PEX14: variants seen among roughly 807,000 people sequenced by gnomAD.
The protein encoded by PEX14 is peroxisomal biogenesis factor 14.
In PEX14, 15 loss-of-function variants were observed where a neutral mutation model predicts 49.5. The observed-to-expected ratio is 0.30, with a 90% CI of 0.20 to 0.47. The LOEUF is 0.47. Among genes scored for constraint, PEX14 ranks in the 20% least tolerant of loss-of-function variants. The pLI, the probability that PEX14 is intolerant of heterozygous loss-of-function variation, is 1.00. For synonymous variants in PEX14, 210 were observed against 212.7 expected (o/e 0.99, Z 0.11); for missense variants, 398 against 494.8 (o/e 0.80, Z 1.86).
intron 3 of PEX14, among the ~76,000 whole-genome samples, chr1:10,578,042 G>C (rs537300388): frequency 1.3e-5 from 2 of 152,122 alleles, no homozygotes; most frequent in African/African-American, 4.8e-5. Flanking sequence ...GCAGAAAGCT[G>C]TGTCATATTG....
chr1:10,556,664 C>T (rs1226398757), intron 3 of PEX14, among the ~76,000 whole-genome samples: 1 of 152,122 alleles, frequency 6.6e-6, no homozygotes, highest in East Asian at 1.9e-4. Flanking sequence ...TTCATTGTTA[C>T]CAGCCATGCT....
intron 2 of PEX14, among the ~76,000 whole-genome samples, chr1:10,515,528 G>A (rs562460355): frequency 2.6e-4 from 39 of 152,258 alleles, no homozygotes; most frequent in Non-Finnish European, 4.4e-4. Flanking sequence ...TTGTGTGGCC[G>A]AGGATCCCTG....
At chr1:10,594,741 G>A (rs552973464) in intron 3 of PEX14, among the ~76,000 whole-genome samples, 2 of 152,298 alleles carry the variant, frequency 1.3e-5, no homozygotes, top group South Asian at 4.1e-4. Flanking sequence ...CCCTTGCACG[G>A]CCTGTCCCGC....
chr1:10,618,241 G>A, intron 4 of PEX14, 91 bp from the exon 5 acceptor site: 2 of 911,772 alleles, frequency 2.2e-6, no homozygotes, highest in South Asian at 1.3e-5. Flanking sequence ...TGGAGGCGAG[G>A]AGACTGTGCC....
intron 3 of PEX14, among the ~76,000 whole-genome samples, chr1:10,556,713 C>T (rs1177664192): frequency 2.7e-5 from 4 of 147,118 alleles, no homozygotes; most frequent in Admixed American, 6.7e-5. Flanking sequence ...TTTAGTTTTG[C>T]TTAAGAACTT....
At position 10,512,337 on chromosome 1, in the gene PEX14, C is replaced by A. The variant is rs556948717; in HGVS notation, c.84+17016C>A. On this transcript the variant is annotated intron_variant, in intron 2 of 8. Transcript: ENST00000356607. This position sits in a 1 kb window ranked among gnomAD's most constrained non-coding sequence, Gnocchi z 4.6. ...TTTTCTGATACCCAACACTGTGGCA[C>A]TTGACTAAGTCACCTGATTGATGAC... Among the ~76,000 whole-genome samples the A allele has an allele frequency of 1.1e-4, 17 of 152,274 alleles. 1 individual carries two copies. The South Asian group carries it at 3.5e-3, about 32-fold the overall frequency.
At chr1:10,618,757 C>T (rs569890257) in intron 5 of PEX14, among the ~76,000 whole-genome samples, 1 of 152,346 alleles carries the variant, frequency 6.6e-6, no homozygotes, top group African/African-American at 2.4e-5. Flanking sequence ...TTTTGAGACA[C>T]AGAATAACAT....
At chr1:10,618,664 G>A (rs1641502699) in intron 5 of PEX14, among the ~76,000 whole-genome samples, 1 of 152,254 alleles carries the variant, frequency 6.6e-6, no homozygotes, top group Non-Finnish European at 1.5e-5. Context: ...ATCTCCACTT[G>A]CAGGGGCGTC....
intron 4 of PEX14, among the ~76,000 whole-genome samples, chr1:10,602,971 C>T (rs777656207): frequency 6.6e-6 from 1 of 152,200 alleles, no homozygotes; most frequent in Non-Finnish European, 1.5e-5. Context: ...TGGGCCTAGC[C>T]CCAAACACTC....
intron 2 of PEX14, among the ~76,000 whole-genome samples, chr1:10,526,015 A>G (rs1288034439): frequency 7.0e-6 from 1 of 143,150 alleles, no homozygotes; most frequent in Non-Finnish European, 1.5e-5. Context: ...TCTGTCTCCC[A>G]GGTTCAAGCG....
chr1:10,626,296 T>A (rs1227482040), intron 7 of PEX14, among the ~76,000 whole-genome samples: 1 of 152,120 alleles, frequency 6.6e-6, no homozygotes, highest in Non-Finnish European at 1.5e-5. Flanking sequence ...GCTTTCAAGG[T>A]CTCAGAGAAG....
At chr1:10,611,652 A>AG (rs1398692682) in intron 4 of PEX14, among the ~76,000 whole-genome samples, 5 of 152,232 alleles carry the variant, frequency 3.3e-5, no homozygotes, top group African/African-American at 1.2e-4. Flanking sequence ...AACACCCGAT[A>AG]GTCTCATTTT....
intron 1 of PEX14, among the ~76,000 whole-genome samples, chr1:10,480,409 T>G: frequency 8.6e-6 from 1 of 116,888 alleles, no homozygotes; most frequent in African/African-American, 2.7e-5. Flanking sequence ...TTTTTTTTTT[T>G]TTGAGACGGA....
chr1:10,484,314 ATG>A (rs1353286473), intron 1 of PEX14, among the ~76,000 whole-genome samples: 1 of 151,624 alleles, frequency 6.6e-6, no homozygotes, highest in African/African-American at 2.4e-5. Flanking sequence ...CTGGGATTAC[ATG>A]TGTGAGTCAC....
At chr1:10,480,610 A>G (rs906827105) in intron 1 of PEX14, among the ~76,000 whole-genome samples, 3 of 151,844 alleles carry the variant, frequency 2.0e-5, no homozygotes, top group East Asian at 1.9e-4. Flanking sequence ...TGGCCAGGCT[A>G]GTCTTGAATG....
intron 3 of PEX14, among the ~76,000 whole-genome samples, chr1:10,547,953 C>T (rs1290823746): frequency 4.6e-5 from 7 of 152,140 alleles, no homozygotes; most frequent in East Asian, 1.9e-4. Flanking sequence ...CAGTGGCTCA[C>T]GTCTGTAATC....
intron 3 of PEX14, among the ~76,000 whole-genome samples, chr1:10,576,758 A>AT: frequency 7.5e-6 from 1 of 133,314 alleles, no homozygotes; most frequent in South Asian, 2.5e-4. Flanking sequence ...TAATTGCTGT[A>AT]CTTTTTTTTT....
At chr1:10,596,032 C>T (rs538157416) in intron 3 of PEX14, among the ~76,000 whole-genome samples, 2 of 152,292 alleles carry the variant, frequency 1.3e-5, no homozygotes, top group Admixed American at 6.5e-5. Context: ...GCTAGGGCAC[C>T]GGGATGTCCT....
rs1181737698 is a variant in PEX14, at chr1:10,494,577, G to A, written c.37-697G>A. On this transcript the variant is annotated intron_variant, in intron 1 of 8. Coordinates refer to ENST00000356607, the MANE Select transcript of PEX14 (RefSeq NM_004565.3). The surrounding 1 kb of genome is among the most constrained non-coding windows in gnomAD (Gnocchi z 4.3). Reference sequence around the variant, plus strand: ...TGTGAGGGTGAGGTAGTGGCCCCAAGGAAGAGGAAACGGGCTAGAGCCAGG... The same window carrying A: ...TGTGAGGGTGAGGTAGTGGCCCCAAAGAAGAGGAAACGGGCTAGAGCCAGG... 6.6e-6 allele frequency among the ~76,000 whole-genome samples: 1 copy of A among 152,234 alleles called. No individual in the cohort carries two copies. Among genetic ancestry groups the A allele is most frequent in the Non-Finnish European group, 1.5e-5 (1 of 68,044 alleles).
Sources: gnomAD v4.1 joint callset for allele counts (sites outside exome capture counted in the v4.1 genomes callset) on GRCh38, gnomAD v4.1.1 for gene constraint, Gnocchi (gnomAD v3.1) non-coding constraint, MANE v1.5 for transcripts, NCBI Gene and HGNC (gene_info 2026-07-23, HGNC 2026-07-21) for gene names.